Variants in PTN observed in about 807,000 individuals in gnomAD.
PTN encodes pleiotrophin, also known as heparin affin regulatory protein.
In PTN, 18 loss-of-function variants were observed where a neutral mutation model predicts 24.1. That is an observed-to-expected ratio of 0.75 (90% CI 0.52 to 1.11). PTN has a LOEUF of 1.11. Ranked by LOEUF, PTN falls within the 50% of genes least tolerant of loss-of-function variation. The pLI, the probability that PTN is intolerant of heterozygous loss-of-function variation, is 0.00. For synonymous variants in PTN, 78 were observed against 68.6 expected, an observed-to-expected ratio of 1.14 and a Z score of -0.67; for missense variants, 163 against 198.8, an observed-to-expected ratio of 0.82 and a Z score of 1.08.
At chr7:137,283,654 A>G (rs895548733) in intron 1 of PTN, among the ~76,000 whole-genome samples, 36 of 152,156 alleles carry the variant, frequency 2.4e-4, no homozygotes, top group African/African-American at 8.7e-4. Context: ...ACTCTGCTAC[A>G]TTATTTGCAT....
chr7:137,309,504 G>T (rs1809946392), intron 1 of PTN, among the ~76,000 whole-genome samples: 1 of 151,830 alleles, frequency 6.6e-6, no homozygotes, highest in Non-Finnish European at 1.5e-5. Context: ...TCTGTCTCAT[G>T]TGATGGTGTT....
chr7:137,265,172 T>G (rs908325904), intron 1 of PTN, among the ~76,000 whole-genome samples: 1 of 152,198 alleles, frequency 6.6e-6, no homozygotes, highest in Non-Finnish European at 1.5e-5. Context: ...TGTAGCTATT[T>G]GATTTCAAGC....
chr7:137,312,259 G>A (rs1428587562), intron 1 of PTN, among the ~76,000 whole-genome samples: 3 of 151,538 alleles, frequency 2.0e-5, no homozygotes, highest in Non-Finnish European at 2.9e-5. Context: ...AAATTAGACT[G>A]TGCAGCAATG....
At position 137,262,209 on chromosome 7, in the gene PTN, T is replaced by A. The variant is rs775956911; in HGVS notation, c.-1-7235A>T. On this transcript the variant is annotated intron_variant, in intron 1 of 4. Coordinates refer to ENST00000348225, the MANE Select transcript of PTN (RefSeq NM_002825.7). ...TTGGTTAAATATTTTCAGACAGTAA[T>A]GAGATCTTTGCTTTGCTTATTTTCA... is the stretch of plus-strand genomic sequence containing the variant. 2.6e-4 allele frequency among the ~76,000 whole-genome samples: 39 copies of A among 152,300 alleles called. 1 individual carries two copies. Among genetic ancestry groups the A allele is most frequent in the Middle Eastern group, 3.4e-3 (1 of 294 alleles).
At chr7:137,299,018 T>C (rs1330734263) in intron 1 of PTN, among the ~76,000 whole-genome samples, 2 of 151,722 alleles carry the variant, frequency 1.3e-5, no homozygotes, top group African/African-American at 2.4e-5. Flanking sequence ...GCAAAGAAAA[T>C]ATTCGTTACC....
At chr7:137,326,964 T>C (rs967715293) in intron 1 of PTN, 1 of 152,092 alleles carries the variant, frequency 6.6e-6, no homozygotes, top group Non-Finnish European at 1.5e-5. Context: ...AATGAATGAA[T>C]GAATGACTAT....
chr7:137,269,867 G>A (rs1173861545), intron 1 of PTN, among the ~76,000 whole-genome samples: 1 of 151,866 alleles, frequency 6.6e-6, no homozygotes, highest in Non-Finnish European at 1.5e-5. Flanking sequence ...TCCTGACCTC[G>A]TGAGCCTCCC....
intron 4 of PTN, among the ~76,000 whole-genome samples, chr7:137,236,532 G>A (rs1390453256): frequency 3.3e-5 from 5 of 152,030 alleles, no homozygotes; most frequent in South Asian, 2.1e-4. Flanking sequence ...ATTTAATGCC[G>A]AGTTTCTTTT....
chr7:137,257,166 T>A (rs2128871878), intron 1 of PTN, among the ~76,000 whole-genome samples: 1 of 152,298 alleles, frequency 6.6e-6, no homozygotes, highest in South Asian at 2.1e-4. Context: ...GAACCTTAAT[T>A]TTTTCCCTGA....
intron 1 of PTN, among the ~76,000 whole-genome samples, chr7:137,284,657 T>A (rs1384638072): frequency 6.6e-6 from 1 of 152,178 alleles, no homozygotes; most frequent in African/African-American, 2.4e-5. Context: ...ATAATGGTGT[T>A]TTCCTTAGAC....
At chr7:137,282,371 G>C (rs1809487362) in intron 1 of PTN, among the ~76,000 whole-genome samples, 1 of 152,130 alleles carries the variant, frequency 6.6e-6, no homozygotes, top group Non-Finnish European at 1.5e-5. Flanking sequence ...TAATATTGTA[G>C]CATAATCTTA....
At chr7:137,337,292 A>G (rs531440801) in intron 1 of PTN, among the ~76,000 whole-genome samples, 102 of 152,348 alleles carry the variant, frequency 6.7e-4, no homozygotes, top group African/African-American at 2.4e-3. Flanking sequence ...AGCCTAAGAA[A>G]GAGATGGCAT....
chr7:137,227,344 T>C lies in PTN; in HGVS notation c.*676A>G, dbSNP rs778335797. On this transcript the variant is annotated 3_prime_UTR_variant, in exon 5 of 5. Coordinates refer to ENST00000348225, the MANE Select transcript of PTN (RefSeq NM_002825.7). Reference sequence around the variant, plus strand: ...CATTATTGAACACAAAAACAACTTTTTTTTTCAGCATCACCTTGATTTATT... The same window carrying C: ...CATTATTGAACACAAAAACAACTTTCTTTTTCAGCATCACCTTGATTTATT... The C allele has an allele frequency of 2.6e-5, 4 of 152,052 alleles. No individual in the cohort carries two copies. The highest frequency in any genetic ancestry group is 4.4e-5 in the Non-Finnish European group (3 of 67,776). 9.4% of individuals were successfully genotyped at this position (152,052 alleles called of 1,614,324 possible).
intron 4 of PTN, among the ~76,000 whole-genome samples, chr7:137,240,260 C>G (rs151265926): frequency 6.6e-6 from 1 of 152,130 alleles, no homozygotes; most frequent in East Asian, 1.9e-4. Flanking sequence ...GGGAAGGAAC[C>G]GTGTTTGTCT....
At position 137,286,590 on chromosome 7, in the gene PTN, G is replaced by A. The variant is rs369418905; in HGVS notation, c.-1-31616C>T. ...AGAAAAGTGAGCCAGTCTGTCCATC[G>A]AAGATAAATAATTTCTTTTTTACTT... On this transcript the variant is annotated intron_variant, in intron 1 of 4. Coordinates refer to ENST00000348225, the MANE Select transcript of PTN (RefSeq NM_002825.7). Among the ~76,000 whole-genome samples the A allele has an allele frequency of 1.6e-4, 25 of 152,240 alleles. No individual in the cohort carries two copies. The East Asian group carries it at 3.3e-3, about 20-fold the overall frequency.
chr7:137,305,241 T>A (rs1169435819), intron 1 of PTN, among the ~76,000 whole-genome samples: 2 of 152,066 alleles, frequency 1.3e-5, no homozygotes, highest in Non-Finnish European at 2.9e-5. Context: ...ATGTTCCTCC[T>A]CCACAAGATG....
intron 1 of PTN, among the ~76,000 whole-genome samples, chr7:137,314,401 A>G (rs2128880266): frequency 6.6e-6 from 1 of 152,338 alleles, no homozygotes; most frequent in Admixed American, 6.5e-5. Context: ...TGGAAGGTAG[A>G]CATATATAAA....
intron 1 of PTN, among the ~76,000 whole-genome samples, chr7:137,285,114 C>T (rs1809533040): frequency 6.6e-6 from 1 of 152,128 alleles, no homozygotes; most frequent in South Asian, 2.1e-4. Flanking sequence ...CAAATCAGTA[C>T]ATTCCATTTT....
At chr7:137,237,930 A>G (rs1808552214) in intron 4 of PTN, among the ~76,000 whole-genome samples, 1 of 152,170 alleles carries the variant, frequency 6.6e-6, no homozygotes. Context: ...AGCAAGAGAA[A>G]GGATCATGAA....
Sources: gnomAD v4.1 joint callset for allele counts (sites outside exome capture counted in the v4.1 genomes callset) on GRCh38, gnomAD v4.1.1 for gene constraint, MANE v1.5 for transcripts, NCBI Gene and HGNC (gene_info 2026-07-23, HGNC 2026-07-21) for gene names.